DRC5: variants seen among roughly 807,000 people sequenced by gnomAD.
DRC5 encodes dynein regulatory complex subunit 5, also known as T-complex-associated testis-expressed protein 1.
the DRC5 span, chr6:44,282,039 A>G: frequency 2.1e-6 from 3 of 1,432,734 alleles, no homozygotes; most frequent in Non-Finnish European, 2.9e-6. Context: ...TGATCTTCAC[A>G]ATTATCCCAC....
the DRC5 span, chr6:44,279,560 A>G: frequency 6.6e-6 from 1 of 152,160 alleles, no homozygotes; most frequent in South Asian, 2.1e-4. Context: ...GCCTCCCCAG[A>G]GGAGTCCACT....
At chr6:44,287,667 A>T in the DRC5 span, 1 of 1,614,166 alleles carries the variant, frequency 6.2e-7, no homozygotes, top group African/African-American at 1.3e-5. Flanking sequence ...TGGCCCTGGG[A>T]TGTGGGTTCC....
At chr6:44,290,342 C>G in the DRC5 span, among the ~76,000 whole-genome samples, 1 of 152,144 alleles carries the variant, frequency 6.6e-6, no homozygotes, top group Non-Finnish European at 1.5e-5. Context: ...TAGTGGAGAT[C>G]CCCCTGAGAT....
At chr6:44,289,540 G>GT in the DRC5 span, among the ~76,000 whole-genome samples, 1 of 152,004 alleles carries the variant, frequency 6.6e-6, no homozygotes, top group African/African-American at 2.4e-5. Flanking sequence ...AAGGAGAGGG[G>GT]AACAAGACCC....
chr6:44,294,772 C>CAAAAAAAAAA, the DRC5 span, among the ~76,000 whole-genome samples: 5 of 88,626 alleles, frequency 5.6e-5, no homozygotes, highest in Non-Finnish European at 6.2e-5. Flanking sequence ...AACTCTGTCT[C>CAAAAAAAAAA]AAAAAAAAAA....
chr6:44,297,035 T>C, the DRC5 span, among the ~76,000 whole-genome samples: 3 of 5,722 alleles, frequency 5.2e-4, no homozygotes, highest in African/African-American at 6.4e-4. Flanking sequence ...AGGTCTGTTG[T>C]CTCAAAAGTG....
the DRC5 span, chr6:44,287,516 T>C: frequency 2.2e-5 from 34 of 1,576,842 alleles, no homozygotes; most frequent in Non-Finnish European, 2.9e-5. Context: ...CTCTTGGCCT[T>C]CTCCTGCCCA....
chr6:44,297,001 C>A, the DRC5 span, among the ~76,000 whole-genome samples: 1 of 5,436 alleles, frequency 1.8e-4, no homozygotes, highest in African/African-American at 2.3e-4. Context: ...CCTGGGCTGG[C>A]CTCCTCCCAA....
At chr6:44,286,041 C>A in the DRC5 span, 20 of 1,614,126 alleles carry the variant, frequency 1.2e-5, no homozygotes, top group South Asian at 1.8e-4. Context: ...AGATTCCACT[C>A]GAAATTCATG....
chr6:44,282,606 C>G, the DRC5 span: 1 of 1,511,440 alleles, frequency 6.6e-7, no homozygotes, highest in South Asian at 1.3e-5. Context: ...CAGGGATAAT[C>G]AGCCTGCCCA....
chr6:44,280,390 C>G, the DRC5 span: 1 of 1,611,002 alleles, frequency 6.2e-7, no homozygotes, highest in East Asian at 2.2e-5. Flanking sequence ...TTCCCACCGT[C>G]CTGGGAGAAG....
chr6:44,281,586 T>C, the DRC5 span, among the ~76,000 whole-genome samples: 2 of 152,230 alleles, frequency 1.3e-5, no homozygotes, highest in African/African-American at 4.8e-5. Flanking sequence ...GGTTTCACCA[T>C]GTTGGCCAGA....
At chr6:44,282,565 G>A in the DRC5 span, 1 of 1,577,182 alleles carries the variant, frequency 6.3e-7, no homozygotes, top group Non-Finnish European at 8.6e-7. Context: ...AAGATCTGTG[G>A]GCAGGCAGAG....
At chr6:44,280,447 A>G in the DRC5 span, 1 of 1,288,394 alleles carries the variant, frequency 7.8e-7, no homozygotes, top group South Asian at 1.3e-5. Flanking sequence ...GATCTGACAC[A>G]CATACTACAC....
chr6:44,286,534 T>A, the DRC5 span: 2 of 1,607,928 alleles, frequency 1.2e-6, no homozygotes, highest in Non-Finnish European at 1.7e-6. Context: ...TAGGGTTTTC[T>A]TTGGGAACAG....
At chr6:44,281,773 G>A in the DRC5 span, among the ~76,000 whole-genome samples, 1 of 152,192 alleles carries the variant, frequency 6.6e-6, no homozygotes, top group East Asian at 1.9e-4. Flanking sequence ...AATCAATCTT[G>A]GGTTTGAATC....
At chr6:44,289,132 G>A in the DRC5 span, among the ~76,000 whole-genome samples, 4 of 137,342 alleles carry the variant, frequency 2.9e-5, no homozygotes, top group East Asian at 9.2e-4. Context: ...CCACCTCCAG[G>A]GTTCAAGTGA....
At chr6:44,285,963 C>T in the DRC5 span, 1 of 1,611,670 alleles carries the variant, frequency 6.2e-7, no homozygotes, top group Non-Finnish European at 8.5e-7. Context: ...GCAGACAGTA[C>T]CTTGAGGGTG....
At chr6:44,286,117 G>A in the DRC5 span, 4 of 1,613,908 alleles carry the variant, frequency 2.5e-6, no homozygotes, top group African/African-American at 4.0e-5. Context: ...CTACCAGATC[G>A]CCCAGTTGGT....
Sources: allele counts gnomAD v4.1 joint callset (sites outside exome capture counted in the v4.1 genomes callset), GRCh38; gene constraint gnomAD v4.1.1; transcripts MANE v1.5; gene names NCBI Gene and HGNC (gene_info 2026-07-23, HGNC 2026-07-21).